Variants in TASP1 observed in about 807,000 individuals in gnomAD.
TASP1 encodes the protein threonine aspartase 1.
Under a neutral mutation model 56.6 loss-of-function variants are expected in TASP1, and 16 were observed. The observed-to-expected ratio is 0.28, with a 90% CI of 0.19 to 0.43. TASP1 has a LOEUF of 0.43. Ranked by LOEUF, TASP1 falls within the 20% of genes least tolerant of loss-of-function variation. The pLI, the probability that TASP1 is intolerant of heterozygous loss-of-function variation, is 1.00. For missense variants in TASP1, 393 were observed against 511.6 expected (o/e 0.77, Z 2.24); for synonymous variants, 179 against 184.2 (o/e 0.97, Z 0.23).
chr20:13,344,491 GA>G, the TASP1 span, among the ~76,000 whole-genome samples: 2 of 152,184 alleles, frequency 1.3e-5, no homozygotes, highest in Admixed American at 1.3e-4. Context: ...TCATGGGAAA[GA>G]GAGCTAAAAT....
chr20:13,421,752 G>C (rs988094097), intron 12 of TASP1, among the ~76,000 whole-genome samples: 8 of 152,114 alleles, frequency 5.3e-5, no homozygotes. Flanking sequence ...ATATAGCAGT[G>C]GTGGGAGTAT....
intron 11 of TASP1, among the ~76,000 whole-genome samples, chr20:13,444,342 G>A (rs6109884): frequency 0.059 from 8,908 of 152,168 alleles, 362 homozygotes; most frequent in African/African-American, 0.12. Context: ...TCCTTTCAAT[G>A]AATTTCTGTG....
At chr20:13,326,557 T>C in the TASP1 span, among the ~76,000 whole-genome samples, 1 of 152,140 alleles carries the variant, frequency 6.6e-6, no homozygotes, top group Non-Finnish European at 1.5e-5. Context: ...GCCATTCTAA[T>C]AGGTATATAG....
chr20:13,581,975 C>T (rs1425327319), intron 5 of TASP1, among the ~76,000 whole-genome samples: 1 of 151,986 alleles, frequency 6.6e-6, no homozygotes, highest in African/African-American at 2.4e-5. Context: ...ATACGCCTGC[C>T]TTTCAGGAAA....
rs190671495 is a variant in TASP1, at chr20:13,504,139, C to T, written c.875-20802G>A. 3.2e-4 allele frequency among the ~76,000 whole-genome samples: 49 copies of T among 152,100 alleles called. 1 individual carries two copies. The East Asian group carries it at 8.7e-3, about 27-fold the overall frequency. On this transcript the variant is annotated intron_variant, in intron 10 of 13. Coordinates refer to ENST00000337743, the MANE Select transcript of TASP1 (RefSeq NM_017714.3). ...AACAGCTTCCACTGAAAACATACTT[C>T]ATCAAGATACATTATTATCAAATCA...
chr20:13,392,705 T>C, intron 13 of TASP1: 2 of 551,110 alleles, frequency 3.6e-6, no homozygotes, highest in Non-Finnish European at 3.5e-6. Flanking sequence ...AGTAAAAAGA[T>C]TTGGCAGTAT....
At chr20:13,378,652 C>T in the TASP1 span, among the ~76,000 whole-genome samples, 1 of 152,152 alleles carries the variant, frequency 6.6e-6, no homozygotes, top group Admixed American at 6.5e-5. Context: ...TCTCGTTGAT[C>T]TGTCTGATAT....
the TASP1 span, among the ~76,000 whole-genome samples, chr20:13,157,503 G>C: frequency 6.6e-6 from 1 of 152,154 alleles, no homozygotes; most frequent in Non-Finnish European, 1.5e-5. Flanking sequence ...TTCAAAGCCA[G>C]TTCCATTTGC....
chr20:13,178,204 G>A, the TASP1 span, among the ~76,000 whole-genome samples: 5 of 152,002 alleles, frequency 3.3e-5, no homozygotes, highest in African/African-American at 1.2e-4. Context: ...CCACAGTGAG[G>A]TAATATCTCA....
At chr20:13,182,371 T>C in the TASP1 span, among the ~76,000 whole-genome samples, 1 of 152,232 alleles carries the variant, frequency 6.6e-6, no homozygotes, top group African/African-American at 2.4e-5. Context: ...ATTATCATTG[T>C]ATTTAGTTAT....
chr20:13,347,221 AC>A, the TASP1 span, among the ~76,000 whole-genome samples: 1 of 152,084 alleles, frequency 6.6e-6, no homozygotes, highest in South Asian at 2.1e-4. Flanking sequence ...TCCTGCCTCT[AC>A]TCACAAAACA....
At chr20:13,147,755 G>T in the TASP1 span, among the ~76,000 whole-genome samples, 1 of 152,172 alleles carries the variant, frequency 6.6e-6, no homozygotes, top group Non-Finnish European at 1.5e-5. Context: ...CTGCCTAGGA[G>T]CATGTATGAG....
chr20:13,266,921 G>T, the TASP1 span, among the ~76,000 whole-genome samples: 45,789 of 152,002 alleles, frequency 0.3, 7,910 homozygotes, highest in East Asian at 0.48. Flanking sequence ...CTCCAAGGGG[G>T]GCTCTGCAAG....
chr20:13,479,778 C>T (rs960517923), intron 11 of TASP1, among the ~76,000 whole-genome samples: 16 of 152,094 alleles, frequency 1.1e-4, no homozygotes, highest in South Asian at 2.1e-4. Flanking sequence ...TTACAGGCCA[C>T]GGCATTCAGC....
chr20:13,430,953 A>T (rs759252394), intron 12 of TASP1, among the ~76,000 whole-genome samples: 269 of 152,302 alleles, frequency 1.8e-3, no homozygotes, highest in African/African-American at 6.2e-3. Flanking sequence ...GCTTCCAGGA[A>T]ACTCCATCAA....
the TASP1 span, chr20:13,288,496 C>T: frequency 6.2e-7 from 1 of 1,600,180 alleles, no homozygotes; most frequent in South Asian, 1.1e-5. Flanking sequence ...GATTGGGAGA[C>T]TCTTTGGCCA....
At chr20:13,488,659 T>A (rs943078121) in intron 10 of TASP1, among the ~76,000 whole-genome samples, 44 of 152,282 alleles carry the variant, frequency 2.9e-4, no homozygotes, top group African/African-American at 1.0e-3. Context: ...GCTATTCTGA[T>A]ATCCTCTCCT....
the TASP1 span, among the ~76,000 whole-genome samples, chr20:13,220,488 C>G: frequency 6.6e-6 from 1 of 152,236 alleles, no homozygotes; most frequent in African/African-American, 2.4e-5. Flanking sequence ...CCTCTGGGCG[C>G]GGCACCCCCG....
intron 6 of TASP1, among the ~76,000 whole-genome samples, chr20:13,576,342 G>GAAGGAAGA (rs1555793515): frequency 2.3e-5 from 3 of 131,742 alleles, no homozygotes; most frequent in Non-Finnish European, 3.2e-5. Flanking sequence ...AGAAAGAAAG[G>GAAGGAAGA]AAGAAAGAAA....
Sources: allele counts gnomAD v4.1 joint callset (sites outside exome capture counted in the v4.1 genomes callset), GRCh38; gene constraint gnomAD v4.1.1; transcripts MANE v1.5; gene names NCBI Gene and HGNC (gene_info 2026-07-23, HGNC 2026-07-21).